The following DNAH11 variants were observed in gnomAD, a reference collection of about 807,000 sequenced individuals.
DNAH11 encodes the protein dynein axonemal heavy chain 11, also known as axonemal beta dynein heavy chain 11.
DNAH11 carries 442 observed loss-of-function variants against 526.0 expected under a neutral mutation model. That is an observed-to-expected ratio of 0.84 (90% CI 0.78 to 0.91). DNAH11 has a LOEUF of 0.91. Among genes scored for constraint, DNAH11 ranks in the 40% least tolerant of loss-of-function variants. The pLI is 0.00. For missense variants in DNAH11, 6,989 were observed against 5,448.7 expected (o/e 1.28, Z -8.90); for synonymous variants, 2,461 against 1,935.9 (o/e 1.27, Z -7.12).
Position 21,741,992 on chromosome 7 carries a change from A to C in DNAH11, c.7980A>C (p.Gln2660His), listed in dbSNP as rs752284064. The C allele has an allele frequency of 2.1e-4, 344 of 1,613,840 alleles. No homozygotes were observed. The highest frequency in any genetic ancestry group is 2.7e-4 in the Non-Finnish European group (317 of 1,179,880). Residue 2660 changes from glutamine to histidine, a missense_variant, in exon 49 of 82, where the codon CAA becomes CAC. Coordinates refer to ENST00000409508, the MANE Select transcript of DNAH11 (RefSeq NM_001277115.2). Reference sequence around the variant, plus strand: ...ATGCACTAAACACCATCTATGGCCAAATCTTTAGCTTCCATTTCCAACAGC... The same window carrying C: ...ATGCACTAAACACCATCTATGGCCACATCTTTAGCTTCCATTTCCAACAGC... Reference protein sequence around the residue: ...SLDALNTIYGQIFSFHFQQQA... With the variant: ...SLDALNTIYGHIFSFHFQQQA...
chr7:21,565,680 C>T (rs1783638327), intron 6 of DNAH11, among the ~76,000 whole-genome samples: 1 of 152,196 alleles, frequency 6.6e-6, no homozygotes, highest in East Asian at 1.9e-4. Context: ...TCAATTACTC[C>T]TCAGTTCCCA....
intron 14 of DNAH11, among the ~76,000 whole-genome samples, chr7:21,593,519 A>T (rs1348070287): frequency 6.6e-6 from 1 of 152,048 alleles, no homozygotes; most frequent in Admixed American, 6.5e-5. Flanking sequence ...TTGTATGTTA[A>T]CTGCAGTAAT....
Position 21,589,258 on chromosome 7 carries a change from T to C in DNAH11, c.2024T>C (p.Met675Thr). The change falls in exon 12 of 82, where the codon ATG becomes ACG. Residue 675 changes from methionine (M) to threonine (T), a missense_variant. Coordinates refer to ENST00000409508, the MANE Select transcript of DNAH11 (RefSeq NM_001277115.2). ...TTAGTTTATCAAAAGTATGTTGAAA[T>C]GACCACTTTGCTTGATCAATTTGAA... Reference protein sequence around the residue: ...HALVYQKYVEMTTLLDQFESR... With the variant: ...HALVYQKYVETTTLLDQFESR... 6.2e-7 allele frequency: 1 copy of C among 1,610,564 alleles called. No homozygotes were observed. Among genetic ancestry groups the C allele is most frequent in the Non-Finnish European group, 8.5e-7 (1 of 1,178,916 alleles).
intron 57 of DNAH11, among the ~76,000 whole-genome samples, chr7:21,781,416 C>T (rs1787936021): frequency 6.6e-6 from 1 of 152,210 alleles, no homozygotes; most frequent in African/African-American, 2.4e-5. Flanking sequence ...ATCACACAAG[C>T]ATCATCAAGC....
intron 28 of DNAH11, among the ~76,000 whole-genome samples, chr7:21,651,988 A>AT (rs1490304294): frequency 1.3e-5 from 2 of 152,248 alleles, no homozygotes; most frequent in East Asian, 3.8e-4. Flanking sequence ...CCTACATGAC[A>AT]TTTTTCATTA....
rs746537142 is a variant in DNAH11 at position 21,707,778 on chromosome 7, C to G, written c.6626C>G (p.Thr2209Arg). ...AATGACTTAAACCCTAAAGCTGTGA[C>G]AACAGATGAACTCTTTGGTTTCATA... ...VWNDLNPKAVTTDELFGFIHH... is the reference protein window; with the variant it reads ...VWNDLNPKAVRTDELFGFIHH... The change falls in exon 40 of 82, where the codon ACA becomes AGA. Residue 2209 changes from threonine (T) to arginine (R), a missense_variant. Physicochemically the swap from Thr to Arg is moderately conservative, Grantham distance 71. Transcript: ENST00000409508. 6.2e-7 allele frequency: 1 copy of G among 1,612,682 alleles called. No homozygotes were observed. The highest frequency in any genetic ancestry group is 1.7e-5 in the Admixed American group (1 of 59,840).
chr7:21,743,378 G>A (rs546679908), intron 49 of DNAH11, among the ~76,000 whole-genome samples: 4 of 152,320 alleles, frequency 2.6e-5, no homozygotes, highest in East Asian at 3.9e-4. Flanking sequence ...TAAAAGGACA[G>A]TGTTTATGTA....
chr7:21,812,918 T>C (rs2014193), intron 63 of DNAH11, among the ~76,000 whole-genome samples: 61,739 of 151,912 alleles, frequency 0.41, 13,406 homozygotes, highest in East Asian at 0.82. Flanking sequence ...GCCATTACCC[T>C]TGGGGGAGAG....
chr7:21,589,057 G>A (rs1784579784), intron 11 of DNAH11, 151 bp from the exon 12 acceptor site: 3 of 550,248 alleles, frequency 5.5e-6, no homozygotes, highest in Non-Finnish European at 8.8e-6. Context: ...TAAAGCAAAA[G>A]CAATTAATAC....
rs1254467565 is a variant in DNAH11, at chr7:21,679,016, A to T, written c.5329-2530A>T. On this transcript the variant is annotated intron_variant, in intron 30 of 81. Transcript: ENST00000409508. ...ATAGATGGATAAAGAAAATGTGTAGACACTCATGCCCATGCACACACACAC... is the reference window on the plus strand; with the variant it reads ...ATAGATGGATAAAGAAAATGTGTAGTCACTCATGCCCATGCACACACACAC... Among the ~76,000 whole-genome samples, 3 of 152,328 alleles carry T rather than the reference A, an allele frequency of 2.0e-5. No individual in the cohort carries two copies. The East Asian group carries it at 5.8e-4, about 29-fold the overall frequency.
intron 40 of DNAH11, 138 bp downstream of exon 40, chr7:21,707,973 A>G: frequency 1.2e-6 from 1 of 821,464 alleles, no homozygotes; most frequent in East Asian, 2.9e-5. Context: ...AGATCACAAC[A>G]GCATTTATAA....
intron 74 of DNAH11, among the ~76,000 whole-genome samples, chr7:21,873,799 T>TTTC (rs1783592353): frequency 7.4e-6 from 1 of 135,600 alleles, no homozygotes; most frequent in Non-Finnish European, 1.6e-5. Flanking sequence ...TTTTTTTTTT[T>TTTC]TTTTTTTTTG....
chr7:21,571,984 A>T lies in DNAH11; in HGVS notation c.1593+11A>T. The T allele has an allele frequency of 6.6e-7, 1 of 1,507,248 alleles. No homozygotes were observed. The highest frequency in any genetic ancestry group is 2.4e-5 in the East Asian group (1 of 42,270). The allele number at this position is 1,507,248 out of a possible 1,614,324, so 93.4% of individuals were successfully genotyped here. A position where few individuals can be genotyped will look rare whatever the true frequency, so the allele number is the denominator to read the frequency against. On this transcript the variant is annotated intron_variant, in intron 8 of 81. Coordinates refer to ENST00000409508, the MANE Select transcript of DNAH11 (RefSeq NM_001277115.2). ...GATTGCACTAACATGGTAATGTTGT[A>T]CCTTTGCATTTTCATTGCATGGGAT...
intron 20 of DNAH11, among the ~76,000 whole-genome samples, chr7:21,606,951 G>C (rs533048470): frequency 2.5e-4 from 38 of 152,230 alleles, no homozygotes; most frequent in African/African-American, 9.1e-4. Context: ...GGGTTCTCTA[G>C]AGGGACAGGA....
chr7:21,886,971 C>T (rs1248970567), intron 76 of DNAH11, among the ~76,000 whole-genome samples: 3 of 152,174 alleles, frequency 2.0e-5, no homozygotes, highest in Non-Finnish European at 4.4e-5. Context: ...TCAGAGGCTG[C>T]AAATCCCAGT....
intron 79 of DNAH11, among the ~76,000 whole-genome samples, chr7:21,895,240 AT>A (rs1268041578): frequency 2.0e-5 from 3 of 152,234 alleles, no homozygotes; most frequent in African/African-American, 7.2e-5. Flanking sequence ...TCATTGATAC[AT>A]GATCTTAGAC....
chr7:21,836,288 G>C (rs1404110853), intron 65 of DNAH11, among the ~76,000 whole-genome samples: 1 of 151,898 alleles, frequency 6.6e-6, no homozygotes, highest in Non-Finnish European at 1.5e-5. Context: ...ACTCCAAATA[G>C]CCAAACCAAC....
chr7:21,838,009 G>A (rs1367009222), intron 65 of DNAH11, among the ~76,000 whole-genome samples: 1 of 152,188 alleles, frequency 6.6e-6, no homozygotes, highest in African/African-American at 2.4e-5. Flanking sequence ...TACACATCCT[G>A]AAGTTAGGCT....
chr7:21,662,315 C>T (rs1400170494), intron 30 of DNAH11, among the ~76,000 whole-genome samples: 6 of 152,018 alleles, frequency 3.9e-5, no homozygotes, highest in Admixed American at 2.0e-4. Context: ...AACATGTGTG[C>T]CTACCACTTA....
Sources: gnomAD v4.1 joint callset for allele counts (sites outside exome capture counted in the v4.1 genomes callset) on GRCh38, gnomAD v4.1.1 for gene constraint, MANE v1.5 for transcripts, NCBI Gene and HGNC (gene_info 2026-07-23, HGNC 2026-07-21) for gene names.